Variants in NUDCD3 observed in about 807,000 individuals in gnomAD.
NUDCD3 encodes nudC domain-containing protein 3.
Under a neutral mutation model 39.7 loss-of-function variants are expected in NUDCD3, and 13 were observed. The ratio of observed to expected loss-of-function variants is 0.33; its 90% CI spans 0.21 to 0.52. NUDCD3 has a LOEUF of 0.52. Among genes scored for constraint, NUDCD3 ranks in the 20% least tolerant of loss-of-function variants. The probability of loss-of-function intolerance (pLI) is 0.96; values close to 1 mark genes in which losing one functional copy is unlikely to be tolerated. For synonymous variants in NUDCD3, 175 were observed against 172.4 expected (o/e 1.02, Z -0.12); for missense variants, 453 against 458.1 (o/e 0.99, Z 0.10).
chr7:44,462,918 T>C (rs1314046281), intron 2 of NUDCD3, among the ~76,000 whole-genome samples: 2 of 151,772 alleles, frequency 1.3e-5, no homozygotes, highest in Non-Finnish European at 2.9e-5. Flanking sequence ...CTGTGTATTC[T>C]GGGTTACCAA....
intron 4 of NUDCD3, among the ~76,000 whole-genome samples, chr7:44,395,164 A>C (rs577051504): frequency 3.9e-5 from 6 of 152,328 alleles, no homozygotes; most frequent in African/African-American, 1.2e-4. Context: ...CCAGTAACTA[A>C]ATCAAGTAGG....
chr7:44,393,619 A>G (rs1415307794), intron 4 of NUDCD3, among the ~76,000 whole-genome samples: 1 of 152,208 alleles, frequency 6.6e-6, no homozygotes, highest in Non-Finnish European at 1.5e-5. Flanking sequence ...CAACAGAAAT[A>G]CTTGATCTGT....
At chr7:44,434,222 C>T (rs1423494461) in intron 2 of NUDCD3, among the ~76,000 whole-genome samples, 2 of 152,230 alleles carry the variant, frequency 1.3e-5, no homozygotes, top group South Asian at 2.1e-4. Flanking sequence ...TGACTCGATG[C>T]CTGGACCCCA....
At chr7:44,452,729 G>C (rs10273049) in intron 2 of NUDCD3, among the ~76,000 whole-genome samples, 19,561 of 152,232 alleles carry the variant, frequency 0.13, 1,669 homozygotes, top group Non-Finnish European at 0.19. Context: ...AAAGGCCATC[G>C]GAGTGAGGGA....
At chr7:44,460,343 TATC>T (rs1799982344) in intron 2 of NUDCD3, among the ~76,000 whole-genome samples, 1 of 152,210 alleles carries the variant, frequency 6.6e-6, no homozygotes, top group Non-Finnish European at 1.5e-5. Flanking sequence ...AACTATAAGC[TATC>T]ATCATAACTG....
At chr7:44,474,634 C>G (rs1467731374) in intron 2 of NUDCD3, among the ~76,000 whole-genome samples, 2 of 152,200 alleles carry the variant, frequency 1.3e-5, no homozygotes, top group Non-Finnish European at 2.9e-5. Flanking sequence ...TCTGATATAA[C>G]TTCAATATCC....
At chr7:44,463,973 G>C (rs1936250904) in intron 2 of NUDCD3, among the ~76,000 whole-genome samples, 1 of 152,068 alleles carries the variant, frequency 6.6e-6, no homozygotes, top group Admixed American at 6.5e-5. Flanking sequence ...CAGCACTTTG[G>C]GAGGCTGCGG....
chr7:44,445,957 C>T (rs760878693), intron 2 of NUDCD3, among the ~76,000 whole-genome samples: 16 of 152,216 alleles, frequency 1.1e-4, no homozygotes, highest in Admixed American at 2.0e-4. Context: ...TCTAAGCCTC[C>T]GCTTTGCTCA....
At chr7:44,424,479 G>A (rs563162777) in intron 3 of NUDCD3, among the ~76,000 whole-genome samples, 6 of 152,184 alleles carry the variant, frequency 3.9e-5, no homozygotes, top group African/African-American at 1.4e-4. Context: ...GGTGGGCAAA[G>A]GATATGAAGA....
At chr7:44,393,839 C>T (rs1394377185) in intron 4 of NUDCD3, among the ~76,000 whole-genome samples, 1 of 152,140 alleles carries the variant, frequency 6.6e-6, no homozygotes, top group Non-Finnish European at 1.5e-5. Flanking sequence ...AAGCCACACT[C>T]AGGGTAACTG....
Position 44,468,311 on chromosome 7 carries a change from C to T in NUDCD3, c.509+16657G>A, listed in dbSNP as rs769455294. On this transcript the variant is annotated intron_variant, in intron 2 of 5. Coordinates refer to ENST00000355451, the MANE Select transcript of NUDCD3 (RefSeq NM_015332.4). Reference sequence around the variant, plus strand: ...CAGCGAAGAAAATGAGTAGACAGCTCGTGTGCACGTTTTCTGTTTAAATAA... The same window carrying T: ...CAGCGAAGAAAATGAGTAGACAGCTTGTGTGCACGTTTTCTGTTTAAATAA... 2.2e-5 allele frequency: 28 copies of T among 1,285,820 alleles called. No individual in the cohort carries two copies. The Middle Eastern group carries it at 8.5e-4, about 39-fold the overall frequency. 79.7% of individuals were successfully genotyped at this position (1,285,820 alleles called of 1,614,324 possible).
intron 1 of NUDCD3, among the ~76,000 whole-genome samples, chr7:44,488,661 C>G (rs1800668411): frequency 6.6e-6 from 1 of 152,204 alleles, no homozygotes; most frequent in Non-Finnish European, 1.5e-5. Flanking sequence ...CCCCTAAACC[C>G]AGGTGACAGT....
In NUDCD3 at chr7:44,427,448, G is replaced by A. The variant is rs1290297523; in HGVS notation, c.642+123C>T. 2.8e-6 allele frequency: 3 copies of A among 1,078,454 alleles called. No homozygotes were observed. In the African/African-American group the frequency reaches 4.8e-5, roughly 17 times the overall value. 66.8% of individuals were successfully genotyped at this position (1,078,454 alleles called of 1,614,324 possible). ...TCAGCTCATTCCGAGGGCAGGAGAA[G>A]GAACACACCTCACATCCTAAAGCCG... On this transcript the variant is annotated intron_variant, in intron 3 of 5. Coordinates refer to ENST00000355451, the MANE Select transcript of NUDCD3 (RefSeq NM_015332.4).
At chr7:44,402,981 G>A in intron 4 of NUDCD3, 1 of 213,538 alleles carries the variant, frequency 4.7e-6, no homozygotes, top group South Asian at 6.3e-5. Flanking sequence ...GAAAGGAACT[G>A]GTAGTAGTCA....
chr7:44,406,035 G>A lies in NUDCD3; in HGVS notation c.643-1452C>T, dbSNP rs546790143. 8.5e-5 allele frequency among the ~76,000 whole-genome samples: 13 copies of A among 152,328 alleles called. No homozygotes were observed. In the East Asian group the frequency reaches 2.5e-3, roughly 29 times the overall value. On this transcript the variant is annotated intron_variant, in intron 3 of 5. Transcript: ENST00000355451. ...GCTGGTCTCGAACTCTTGGCCCCAA[G>A]TGATCCTACTGCCTCAGCCTCCCAA... is the stretch of plus-strand genomic sequence containing the variant.
chr7:44,488,161 C>T (rs1585113772), intron 1 of NUDCD3, among the ~76,000 whole-genome samples: 2 of 151,272 alleles, frequency 1.3e-5, no homozygotes, highest in African/African-American at 4.9e-5. Context: ...ATGATGAAAC[C>T]CCATCTCTAC....
chr7:44,478,796 T>C (rs1303423069), intron 2 of NUDCD3, among the ~76,000 whole-genome samples: 4 of 152,172 alleles, frequency 2.6e-5, no homozygotes, highest in African/African-American at 9.7e-5. Context: ...TAAATAACAA[T>C]GTATGCTGCA....
At chr7:44,409,692 A>G (rs1180749855) in intron 3 of NUDCD3, among the ~76,000 whole-genome samples, 1 of 152,196 alleles carries the variant, frequency 6.6e-6, no homozygotes, top group Non-Finnish European at 1.5e-5. Context: ...CAGTCTCTAA[A>G]TCACCTATTT....
intron 4 of NUDCD3, chr7:44,402,572 T>G (rs1029782528): frequency 1.1e-5 from 5 of 448,562 alleles, no homozygotes; most frequent in Non-Finnish European, 2.3e-5. Context: ...CAGAGACCAG[T>G]GACTAAGGCT....
Sources: allele counts gnomAD v4.1 joint callset (sites outside exome capture counted in the v4.1 genomes callset), GRCh38; gene constraint gnomAD v4.1.1; transcripts MANE v1.5; gene names NCBI Gene and HGNC (gene_info 2026-07-23, HGNC 2026-07-21).